ZFYVE26: variants seen among roughly 807,000 people sequenced by gnomAD.
ZFYVE26 encodes zinc finger FYVE-type containing 26.
Under a neutral mutation model 276.5 loss-of-function variants are expected in ZFYVE26, and 181 were observed. The ratio of observed to expected loss-of-function variants is 0.65; its 90% CI spans 0.58 to 0.74. The LOEUF (loss-of-function observed/expected upper bound fraction) is 0.74. Among genes scored for constraint, ZFYVE26 ranks in the 30% least tolerant of loss-of-function variants. The pLI is 0.00. For synonymous variants in ZFYVE26, 1,129 were observed against 1,203.1 expected, an observed-to-expected ratio of 0.94 and a Z score of 1.27; for missense variants, 2,821 against 3,097.9, an observed-to-expected ratio of 0.91 and a Z score of 2.12.
intron 32 of ZFYVE26, among the ~76,000 whole-genome samples, chr14:67,765,570 G>A (rs1250251040): frequency 1.3e-5 from 2 of 152,182 alleles, no homozygotes; most frequent in Non-Finnish European, 2.9e-5. Flanking sequence ...AGGACTGAGT[G>A]CTGGGAACAC....
At position 67,761,102 on chromosome 14, in the gene ZFYVE26, C is replaced by G. The variant is rs180703083; in HGVS notation, c.6588+264G>C. 1.2e-3 allele frequency: 759 copies of G among 639,062 alleles called. 4 individuals carry two copies. In the African/African-American group the frequency reaches 0.012, roughly 10 times the overall value. 39.6% of individuals were successfully genotyped at this position (639,062 alleles called of 1,614,324 possible). A position where few individuals can be genotyped will look rare whatever the true frequency, so the allele number is the denominator to read the frequency against. On this transcript the variant is annotated intron_variant, in intron 35 of 41. Coordinates refer to ENST00000347230, the MANE Select transcript of ZFYVE26 (RefSeq NM_015346.4). ...CAGAGACATGCTCTTAACCACTATC[C>G]GATTCTGCTGCATGTTTTGGCAGAA...
chr14:67,811,672 T>C (rs1215885519), intron 3 of ZFYVE26, among the ~76,000 whole-genome samples: 1 of 151,584 alleles, frequency 6.6e-6, no homozygotes, highest in Non-Finnish European at 1.5e-5. Flanking sequence ...CAGTTAGTCT[T>C]ATTTCTGCTA....
At chr14:67,799,181 A>C (rs2040028955) in intron 10 of ZFYVE26, 2 of 1,591,728 alleles carry the variant, frequency 1.3e-6, no homozygotes, top group African/African-American at 1.3e-5. Context: ...TTTTGAAAAG[A>C]CATACAAAGG....
Position 67,809,377 on chromosome 14 carries a change from T to C in ZFYVE26, c.274-88A>G, listed in dbSNP as rs2040246662. 5.4e-6 allele frequency: 5 copies of C among 921,992 alleles called. No individual in the cohort carries two copies. The South Asian group carries it at 7.3e-5, about 13-fold the overall frequency. The allele number at this position is 921,992 out of a possible 1,614,324, so 57.1% of individuals were successfully genotyped here. ...TTAAATATTTCTGTCCAGTTAGTCT[T>C]ATTTCTGCTATTTCTCTAAGATGAA... On this transcript the variant is annotated intron_variant, in intron 3 of 41. Coordinates refer to ENST00000347230, the MANE Select transcript of ZFYVE26 (RefSeq NM_015346.4).
At chr14:67,780,198 C>G (rs2039461155) in intron 23 of ZFYVE26, 43 bp downstream of exon 23, 1 of 1,565,734 alleles carries the variant, frequency 6.4e-7, no homozygotes, top group Middle Eastern at 1.7e-4. Context: ...GGTTGTAACT[C>G]TGAAAGGAGG....
chr14:67,781,434 A>G lies in ZFYVE26; in HGVS notation c.4468T>C (p.Cys1490Arg). 1 of 1,614,198 alleles carries G rather than the reference A, an allele frequency of 6.2e-7. No individual in the cohort carries two copies. Among genetic ancestry groups the G allele is most frequent in the Non-Finnish European group, 8.5e-7 (1 of 1,180,034 alleles). The stretch of plus-strand genomic sequence containing the variant: ...ATGCAGTAGGCCAGAATCTCCAGGC[A>G]TGACTCCAGGGGCCACCTGTCCACA... ...QFVDRWPLESCLEILAYCISD... is the reference protein window; with the variant it reads ...QFVDRWPLESRLEILAYCISD... The change falls in exon 22 of 42, where the codon TGC (cysteine) becomes CGC (arginine). Residue 1490 changes from cysteine (C) to arginine (R), a missense_variant. By Grantham distance (180) the Cys-to-Arg change is radical. Coordinates refer to ENST00000347230, the MANE Select transcript of ZFYVE26 (RefSeq NM_015346.4).
chr14:67,805,684 G>A, intron 6 of ZFYVE26, 66 bp from the exon 7 acceptor site: 1 of 1,546,680 alleles, frequency 6.5e-7, no homozygotes, highest in Non-Finnish European at 8.9e-7. Context: ...CTAGCTTACT[G>A]CTCTTTAGAG....
chr14:67,769,803 T>C (rs900410073), intron 28 of ZFYVE26, 73 bp from the exon 29 acceptor site: 7 of 1,601,996 alleles, frequency 4.4e-6, no homozygotes, highest in Non-Finnish European at 6.0e-6. Flanking sequence ...CATTTATACA[T>C]GGTATTAACT....
chr14:67,783,076 A>G lies in ZFYVE26; in HGVS notation c.4076T>C (p.Leu1359Pro). Reference sequence around the variant, plus strand: ...CTCAAACAGAGGGAATTGTTCCAGAAGGCGCTCACACTCCCGGGCTACCTG... The same window carrying G: ...CTCAAACAGAGGGAATTGTTCCAGAGGGCGCTCACACTCCCGGGCTACCTG... ...AEQVARECER[L>P]LEQFPLFEAF... The change falls in exon 21 of 42, where the codon CTT becomes CCT. Residue 1359 changes from leucine (L) to proline (P), a missense_variant. Transcript: ENST00000347230. 1 of 1,613,930 alleles carries G rather than the reference A, an allele frequency of 6.2e-7. No homozygotes were observed. The highest frequency in any genetic ancestry group is 1.3e-5 in the African/African-American group (1 of 75,058).
chr14:67,774,253 C>G (rs796401618), intron 27 of ZFYVE26, among the ~76,000 whole-genome samples: 1 of 152,184 alleles, frequency 6.6e-6, no homozygotes, highest in African/African-American at 2.4e-5. Flanking sequence ...TGCCTATAAT[C>G]CCAGCATTTT....
Position 67,798,149 on chromosome 14 carries a change from G to A in ZFYVE26, c.2113C>T (p.Pro705Ser), listed in dbSNP as rs781458095. 36 of 1,613,976 alleles carry A rather than the reference G, an allele frequency of 2.2e-5. No individual in the cohort carries two copies. The highest frequency in any genetic ancestry group is 3.1e-5 in the Non-Finnish European group (36 of 1,179,990). Reference sequence around the variant, plus strand: ...TGACTTTCTTGCTTTGGCTTCTCAGGAGGGCTGCGGCTACTGATCTCATCC... The same window carrying A: ...TGACTTTCTTGCTTTGGCTTCTCAGAAGGGCTGCGGCTACTGATCTCATCC... The part of the protein sequence containing the change: ...QLDEISSRSP[P>S]EKPKQESQSC... Residue 705 changes from proline (P) to serine (S), a missense_variant, in exon 11 of 42, where the codon CCT becomes TCT. By Grantham distance (74) the Pro-to-Ser change is moderately conservative (BLOSUM62 -1). Transcript: ENST00000347230.
rs1244512674 is a variant in ZFYVE26 at position 67,756,117 on chromosome 14, C to T, written c.6617G>A (p.Gly2206Asp). The T allele has an allele frequency of 1.9e-6, 3 of 1,613,994 alleles. No individual in the cohort carries two copies. The highest frequency in any genetic ancestry group is 2.5e-6 in the Non-Finnish European group (3 of 1,180,006). The stretch of plus-strand genomic sequence containing the variant: ...ACTTTTATAGCTTGGTTGGAAAATG[C>T]CTTCTATAAAAACTTCTGGAGGACT... Reference protein sequence around the residue: ...KESPPEVFIEGIFQPSYKSGK... With the variant: ...KESPPEVFIEDIFQPSYKSGK... Residue 2206 changes from glycine to aspartate, a missense_variant, in exon 36 of 42, where the codon GGC becomes GAC. Coordinates refer to ENST00000347230, the MANE Select transcript of ZFYVE26 (RefSeq NM_015346.4).
At chr14:67,802,655 TGTGCCCCAGTG>T (rs1169865469) in intron 9 of ZFYVE26, among the ~76,000 whole-genome samples, 2 of 152,214 alleles carry the variant, frequency 1.3e-5, no homozygotes, top group Non-Finnish European at 2.9e-5. Flanking sequence ...CTTTTTGAAG[TGTGCCCCAGTG>T]GGTCCAGGGA....
Position 67,785,913 on chromosome 14 carries a change from G to A in ZFYVE26, c.3249C>T (p.Leu1083=). The A allele has an allele frequency of 6.2e-7, 1 of 1,613,338 alleles. No homozygotes were observed. The highest frequency in any genetic ancestry group is 8.5e-7 in the Non-Finnish European group (1 of 1,179,520). ...SEDCVASHTT[L]SQQLDQVLQS... is the part of the protein sequence containing the mutation. The stretch of plus-strand genomic sequence containing the variant: ...GAAGGACCTGATCTAGCTGCTGGGA[G>A]AGGGTGGTGTGGCTGGCAACACAGT... Residue 1083 remains leucine (L), a synonymous_variant, in exon 18 of 42, where the codon CTC becomes CTT. Coordinates refer to ENST00000347230, the MANE Select transcript of ZFYVE26 (RefSeq NM_015346.4).
rs779955262 is a variant in ZFYVE26, at chr14:67,789,520, T to C, written c.2834A>G (p.Glu945Gly). 5 of 1,614,140 alleles carry C rather than the reference T, an allele frequency of 3.1e-6. No homozygotes were observed. Among genetic ancestry groups the C allele is most frequent in the East Asian group, 4.5e-5 (2 of 44,888 alleles). Residue 945 changes from glutamate to glycine, a missense_variant, in exon 16 of 42, where the codon GAG becomes GGG. Transcript: ENST00000347230. ...TSGDPIPMLQEDFWISTALVE... is the reference protein window; with the variant it reads ...TSGDPIPMLQGDFWISTALVE... Reference sequence around the variant, plus strand: ...TAGAGCCGTGCTTATCCAAAAGTCCTCCTGGAGCATGGGGATGGGGTCTCC... The same window carrying C: ...TAGAGCCGTGCTTATCCAAAAGTCCCCCTGGAGCATGGGGATGGGGTCTCC...
chr14:67,793,332 CAA>C (rs1466104358), intron 14 of ZFYVE26, among the ~76,000 whole-genome samples: 2 of 152,110 alleles, frequency 1.3e-5, no homozygotes, highest in African/African-American at 2.4e-5. Flanking sequence ...AGGAGAGAAA[CAA>C]AAGTTTCCAT....
intron 37 of ZFYVE26, 45 bp downstream of exon 37, chr14:67,755,006 C>T: frequency 6.2e-7 from 1 of 1,606,612 alleles, no homozygotes; most frequent in Non-Finnish European, 8.5e-7. Context: ...CAACTGCTCC[C>T]ACCCTTTCTG....
chr14:67,749,804 C>G (rs561955892), intron 41 of ZFYVE26, among the ~76,000 whole-genome samples: 1 of 152,296 alleles, frequency 6.6e-6, no homozygotes, highest in Non-Finnish European at 1.5e-5. Context: ...CTTCAGCTCC[C>G]CTTAGCATCT....
In ZFYVE26 at chr14:67,757,682, C is replaced by CTTTCTT. The variant is rs1279409842; in HGVS notation, c.6589-1538_6589-1537insAAGAAA. Among the ~76,000 whole-genome samples, 16 of 130,718 alleles carry CTTTCTT rather than the reference C, an allele frequency of 1.2e-4. No individual in the cohort carries two copies. The South Asian group carries it at 1.5e-3, about 12-fold the overall frequency. The allele number at this position is 130,718 out of a possible 152,430, so 85.8% of individuals were successfully genotyped here. Reference sequence around the variant, plus strand: ...TCTTTCTTTCTTTCTTTCTTTCTTTCTCTCTCTCTTTCCTTTCTTTCTCTC... The same window carrying CTTTCTT: ...TCTTTCTTTCTTTCTTTCTTTCTTTCTTTCTTTCTCTCTCTTTCCTTTCTTTCTCTC... On this transcript the variant is annotated intron_variant, in intron 35 of 41. Transcript: ENST00000347230.
Sources: allele counts gnomAD v4.1 joint callset (sites outside exome capture counted in the v4.1 genomes callset), GRCh38; gene constraint gnomAD v4.1.1; transcripts MANE v1.5; gene names NCBI Gene and HGNC (gene_info 2026-07-23, HGNC 2026-07-21).